The following CDH2 variants were observed in gnomAD, a reference collection of about 807,000 sequenced individuals.
CDH2 encodes cadherin-2.
In CDH2, 17 loss-of-function variants were observed where a neutral mutation model predicts 92.0. That is an observed-to-expected ratio of 0.18 (90% CI 0.13 to 0.28). The LOEUF is 0.28. Among genes scored for constraint, CDH2 ranks in the 10% least tolerant of loss-of-function variants. The probability of loss-of-function intolerance (pLI) is 1.00; values close to 1 mark genes in which losing one functional copy is unlikely to be tolerated. For missense variants in CDH2, 862 were observed against 1,133.1 expected, an observed-to-expected ratio of 0.76 and a Z score of 3.44; for synonymous variants, 419 against 415.9, an observed-to-expected ratio of 1.01 and a Z score of -0.09.
intron 2 of CDH2, among the ~76,000 whole-genome samples, chr18:28,051,111 G>C (rs2014182439): frequency 6.6e-6 from 1 of 152,046 alleles, no homozygotes; most frequent in Non-Finnish European, 1.5e-5. Context: ...CATTTTCCTT[G>C]AGGTAGCTTT....
At chr18:28,147,090 G>C (rs1426297368) in intron 2 of CDH2, among the ~76,000 whole-genome samples, 3 of 151,868 alleles carry the variant, frequency 2.0e-5, no homozygotes, top group Non-Finnish European at 2.9e-5. Flanking sequence ...TATTTAAATG[G>C]GAAATGAGAC....
chr18:28,139,878 A>G (rs1568014002), intron 2 of CDH2, among the ~76,000 whole-genome samples: 1 of 151,802 alleles, frequency 6.6e-6, no homozygotes, highest in Admixed American at 6.6e-5. Flanking sequence ...AGTACTCCCA[A>G]CTCTGTAGCC....
intron 2 of CDH2, among the ~76,000 whole-genome samples, chr18:28,095,651 C>G (rs978693187): frequency 3.3e-5 from 5 of 151,658 alleles, no homozygotes; most frequent in Non-Finnish European, 5.9e-5. Context: ...AACCCCATCG[C>G]CACTAAAAAT....
At chr18:27,986,678 A>G (rs2012244724) in intron 11 of CDH2, among the ~76,000 whole-genome samples, 1 of 152,234 alleles carries the variant, frequency 6.6e-6, no homozygotes, top group Non-Finnish European at 1.5e-5. Flanking sequence ...AGGTGCACAT[A>G]CATACACAAT....
intron 1 of CDH2, among the ~76,000 whole-genome samples, chr18:28,148,455 T>G (rs2144328861): frequency 6.6e-6 from 1 of 152,318 alleles, no homozygotes; most frequent in East Asian, 1.9e-4. Context: ...CACAGTTAAT[T>G]TACTCAGTGT....
chr18:28,015,496 C>G (rs957518209), intron 2 of CDH2, among the ~76,000 whole-genome samples: 14 of 152,222 alleles, frequency 9.2e-5, no homozygotes, highest in African/African-American at 3.1e-4. Flanking sequence ...GCTCATCTTT[C>G]ATTAAAGACA....
At chr18:28,168,875 C>T (rs2016423608) in intron 1 of CDH2, among the ~76,000 whole-genome samples, 1 of 151,984 alleles carries the variant, frequency 6.6e-6, no homozygotes, top group South Asian at 2.1e-4. Context: ...GACAGTCATT[C>T]TCTGGGTATT....
chr18:28,044,341 T>C (rs993148011), intron 2 of CDH2, among the ~76,000 whole-genome samples: 1 of 152,202 alleles, frequency 6.6e-6, no homozygotes, highest in African/African-American at 2.4e-5. Context: ...ACCCCTTACA[T>C]TGTTTCTCCA....
intron 2 of CDH2, among the ~76,000 whole-genome samples, chr18:28,114,240 T>C (rs2015458719): frequency 6.6e-6 from 1 of 152,184 alleles, no homozygotes; most frequent in Non-Finnish European, 1.5e-5. Flanking sequence ...TTGTGCGTGC[T>C]AATGAATATG....
intron 2 of CDH2, among the ~76,000 whole-genome samples, chr18:28,015,543 T>A (rs2013221141): frequency 6.6e-6 from 1 of 152,186 alleles, no homozygotes; most frequent in African/African-American, 2.4e-5. Flanking sequence ...GGATCCCTGC[T>A]GATAAATCAA....
intron 2 of CDH2, among the ~76,000 whole-genome samples, chr18:28,111,892 C>A (rs970976365): frequency 6.6e-6 from 1 of 152,098 alleles, no homozygotes; most frequent in African/African-American, 2.4e-5. Flanking sequence ...GTTTAAACTG[C>A]AGTTAAAATA....
chr18:28,133,601 A>G (rs1479743717), intron 2 of CDH2, among the ~76,000 whole-genome samples: 1 of 151,412 alleles, frequency 6.6e-6, no homozygotes, highest in Non-Finnish European at 1.5e-5. Flanking sequence ...AAAAAAAAAA[A>G]AAAGAACTTG....
chr18:28,085,946 C>A (rs2014918996), intron 2 of CDH2, among the ~76,000 whole-genome samples: 1 of 152,074 alleles, frequency 6.6e-6, no homozygotes. Context: ...ACCACTGTAC[C>A]CATCTTCTCT....
At chr18:28,096,301 C>G (rs2015133612) in intron 2 of CDH2, among the ~76,000 whole-genome samples, 1 of 151,520 alleles carries the variant, frequency 6.6e-6, no homozygotes. Context: ...GTCAAAATTC[C>G]AATAGTAAAT....
chr18:27,976,028 AG>A (rs1346187744), intron 14 of CDH2, among the ~76,000 whole-genome samples: 4 of 152,162 alleles, frequency 2.6e-5, no homozygotes, highest in African/African-American at 9.7e-5. Context: ...GGGGCAGGGC[AG>A]GCCATAGGTA....
At chr18:28,073,422 TG>T (rs148161798) in intron 2 of CDH2, among the ~76,000 whole-genome samples, 4,319 of 152,286 alleles carry the variant, frequency 0.028, 77 homozygotes, top group African/African-American at 0.031. Flanking sequence ...CTTAGTTGAT[TG>T]TTTTTTCCTT....
intron 6 of CDH2, among the ~76,000 whole-genome samples, chr18:27,939,943 T>C (rs1416351367): frequency 6.6e-6 from 1 of 152,148 alleles, no homozygotes; most frequent in Admixed American, 6.5e-5. Flanking sequence ...GGCATATCTA[T>C]ACTGGGCTAT....
chr18:28,167,302 G>A (rs947143704), intron 1 of CDH2, among the ~76,000 whole-genome samples: 6 of 152,100 alleles, frequency 3.9e-5, no homozygotes, highest in Non-Finnish European at 8.8e-5. Context: ...TATGGCAAAA[G>A]ATATTGTAAG....
At chr18:28,044,254 C>T (rs1031397877) in intron 2 of CDH2, among the ~76,000 whole-genome samples, 1 of 152,100 alleles carries the variant, frequency 6.6e-6, no homozygotes, top group Non-Finnish European at 1.5e-5. Context: ...AAGACAAGAA[C>T]CAGTTGGCAG....
Sources: gnomAD v4.1 joint callset for allele counts (sites outside exome capture counted in the v4.1 genomes callset) on GRCh38, gnomAD v4.1.1 for gene constraint, MANE v1.5 for transcripts, NCBI Gene and HGNC (gene_info 2026-07-23, HGNC 2026-07-21) for gene names.